The following SYT16 variants were observed in gnomAD, a reference collection of about 807,000 sequenced individuals.
SYT16 encodes the protein synaptotagmin 16.
SYT16 carries 42 observed loss-of-function variants against 61.4 expected under a neutral mutation model. That is an observed-to-expected ratio of 0.68 (90% CI 0.53 to 0.89). The LOEUF is 0.89. Ranked by LOEUF, SYT16 falls within the 40% of genes least tolerant of loss-of-function variation. The pLI is 0.00. For missense variants in SYT16, 804 were observed against 807.3 expected, an observed-to-expected ratio of 1.00 and a Z score of 0.05; for synonymous variants, 314 against 302.3, an observed-to-expected ratio of 1.04 and a Z score of -0.40.
At chr14:61,934,287 C>G (rs2049891996) in intron 1 of SYT16, among the ~76,000 whole-genome samples, 1 of 151,840 alleles carries the variant, frequency 6.6e-6, no homozygotes, top group Middle Eastern at 3.4e-3. Flanking sequence ...TTTTTTTGTA[C>G]CTATATGTAA....
intron 3 of SYT16, among the ~76,000 whole-genome samples, chr14:62,000,566 T>C (rs2052971929): frequency 6.6e-6 from 1 of 152,056 alleles, no homozygotes; most frequent in Admixed American, 6.6e-5. Context: ...TATTGCTGAA[T>C]TAAAATCTGT....
chr14:61,857,550 G>A (rs998151208), intron 1 of SYT16, among the ~76,000 whole-genome samples: 8 of 152,186 alleles, frequency 5.3e-5, no homozygotes, highest in African/African-American at 1.9e-4. Flanking sequence ...AAGCCTGGCT[G>A]GAGTTGGTTA....
intron 1 of SYT16, among the ~76,000 whole-genome samples, chr14:61,846,669 T>A (rs2046454703): frequency 6.6e-6 from 1 of 152,194 alleles, no homozygotes; most frequent in East Asian, 1.9e-4. Context: ...AGTGTTACCA[T>A]TGTTAAGAAC....
At chr14:61,814,792 A>T (rs1422033390) in intron 1 of SYT16, among the ~76,000 whole-genome samples, 1 of 152,194 alleles carries the variant, frequency 6.6e-6, no homozygotes, top group Non-Finnish European at 1.5e-5. Context: ...GAGGCTTACT[A>T]TGTGTCCCTA....
intron 1 of SYT16, among the ~76,000 whole-genome samples, chr14:61,877,598 C>T (rs2047545065): frequency 6.6e-6 from 1 of 152,176 alleles, no homozygotes; most frequent in Non-Finnish European, 1.5e-5. Flanking sequence ...TTAGCCCCTG[C>T]TAAAGAGTGC....
chr14:61,860,043 C>A (rs1306634956), intron 1 of SYT16, among the ~76,000 whole-genome samples: 1 of 152,172 alleles, frequency 6.6e-6, no homozygotes, highest in Non-Finnish European at 1.5e-5. Flanking sequence ...GTACCCTTCT[C>A]CTCAATTAGG....
chr14:62,028,864 T>C (rs10143188), intron 3 of SYT16, among the ~76,000 whole-genome samples: 25,817 of 152,124 alleles, frequency 0.17, 3,489 homozygotes, highest in African/African-American at 0.38. Context: ...CTTGAAAGTA[T>C]TGTGCATAAT....
chr14:62,048,111 T>G (rs2055081873), intron 3 of SYT16, among the ~76,000 whole-genome samples: 11 of 152,198 alleles, frequency 7.2e-5, no homozygotes, highest in Admixed American at 7.2e-4. Context: ...GGTCCTGGAT[T>G]TTTTTTGGTT....
At chr14:61,858,987 TG>T (rs2046873131) in intron 1 of SYT16, among the ~76,000 whole-genome samples, 2 of 151,508 alleles carry the variant, frequency 1.3e-5, no homozygotes, top group Non-Finnish European at 2.9e-5. Flanking sequence ...CCCGAGTAGC[TG>T]GGACTACAGG....
chr14:62,003,273 C>T (rs1268075815), intron 3 of SYT16, among the ~76,000 whole-genome samples: 2 of 152,030 alleles, frequency 1.3e-5, no homozygotes, highest in African/African-American at 4.8e-5. Context: ...TTCTCTGCCC[C>T]TGCTCTCCAC....
At chr14:61,896,547 G>C (rs1181533603) in intron 1 of SYT16, among the ~76,000 whole-genome samples, 1 of 152,178 alleles carries the variant, frequency 6.6e-6, no homozygotes, top group Admixed American at 6.5e-5. Context: ...GGTATGGCCA[G>C]TTACCCATTC....
rs939147666 is a variant in SYT16 at position 62,109,788 on chromosome 14, C to T, written c.*9081C>T. The T allele has an allele frequency of 2.0e-5, 3 of 152,130 alleles. No homozygotes were observed. The highest frequency in any genetic ancestry group is 7.2e-5 in the African/African-American group (3 of 41,442). The allele number at this position is 152,130 out of a possible 1,614,324, so 9.4% of individuals were successfully genotyped here. ...TTATTACTGATTCATGATAGAAAAT[C>T]ACCTTCTGTCGCTAGTTTATATGAC... On this transcript the variant is annotated 3_prime_UTR_variant, in exon 8 of 8. Transcript: ENST00000683842.
rs956095126 is a variant in SYT16, at chr14:62,112,096, T to G, written c.*11389T>G. 6.6e-6 allele frequency: 1 copy of G among 152,150 alleles called. No homozygotes were observed. Among genetic ancestry groups the G allele is most frequent in the African/African-American group, 2.4e-5 (1 of 41,464 alleles). The allele number at this position is 152,150 out of a possible 1,614,324, so 9.4% of individuals were successfully genotyped here. ...TCTTTAAGATTTCATAATGATGGTT[T>G]TAATGTATTACTATCTTACTATTAT... On this transcript the variant is annotated 3_prime_UTR_variant, in exon 8 of 8. Coordinates refer to ENST00000683842, the MANE Select transcript of SYT16 (RefSeq NM_001367656.1).
At chr14:62,064,334 GAAAAAAAAAAAAAA>G (rs781727444) in intron 3 of SYT16, among the ~76,000 whole-genome samples, 1 of 42,994 alleles carries the variant, frequency 2.3e-5, no homozygotes. Flanking sequence ...CTTTAAATTT[GAAAAAAAAAAAAAA>G]AAAAAAAAAA....
At chr14:62,026,088 C>T (rs2054092190) in intron 3 of SYT16, among the ~76,000 whole-genome samples, 1 of 152,066 alleles carries the variant, frequency 6.6e-6, no homozygotes, top group Admixed American at 6.6e-5. Context: ...TAAATTATTA[C>T]ATGTAATGTA....
At chr14:61,813,705 G>C (rs1216982431) in intron 1 of SYT16, among the ~76,000 whole-genome samples, 5 of 152,016 alleles carry the variant, frequency 3.3e-5, no homozygotes, top group Non-Finnish European at 7.4e-5. Flanking sequence ...GTGCGAGGCT[G>C]CTGTGAGCTA....
chr14:61,853,353 T>C (rs2046676191), intron 1 of SYT16, among the ~76,000 whole-genome samples: 1 of 152,228 alleles, frequency 6.6e-6, no homozygotes, highest in Non-Finnish European at 1.5e-5. Context: ...GGGTCAGTTT[T>C]TAATCTGCAA....
chr14:61,866,415 A>G (rs1226608683), intron 1 of SYT16, among the ~76,000 whole-genome samples: 2 of 152,038 alleles, frequency 1.3e-5, no homozygotes, highest in Non-Finnish European at 2.9e-5. Context: ...GTTGCTTTAC[A>G]TCTTCTATTA....
rs2056683125 is a variant in SYT16 at position 62,080,893 on chromosome 14, T to A, written c.1053T>A (p.Cys351Ter). The A allele has an allele frequency of 1.9e-6, 3 of 1,604,898 alleles. No homozygotes were observed. Among genetic ancestry groups the A allele is most frequent in the South Asian group, 1.1e-5 (1 of 89,142 alleles). Residue 351 changes from cysteine (C) to a stop codon, truncating the protein, a stop_gained, in exon 6 of 8, where the codon TGT becomes TGA. Transcript: ENST00000683842. LOFTEE classifies it high-confidence loss of function. Reference protein sequence around the residue: ...PSGVSEPISKCGDLDVIFEYR... With the variant: ...PSGVSEPISK ...GGGTCTCAGAGCCCATCTCAAAGTGTGGTGACCTAGATGTCATCTTTGAAT... is the reference window on the plus strand; with the variant it reads ...GGGTCTCAGAGCCCATCTCAAAGTGAGGTGACCTAGATGTCATCTTTGAAT...
Sources: allele counts gnomAD v4.1 joint callset (sites outside exome capture counted in the v4.1 genomes callset), GRCh38; gene constraint gnomAD v4.1.1; transcripts MANE v1.5; gene names NCBI Gene and HGNC (gene_info 2026-07-23, HGNC 2026-07-21).